The following ARPP21 variants were observed in gnomAD, a reference collection of about 807,000 sequenced individuals.
ARPP21 encodes cAMP-regulated phosphoprotein 21.
Under a neutral mutation model 113.2 loss-of-function variants are expected in ARPP21, and 69 were observed. The ratio of observed to expected loss-of-function variants is 0.61; its 90% CI spans 0.50 to 0.74. ARPP21 has a LOEUF of 0.74. ARPP21 is among the 30% of genes least tolerant of loss of function. ARPP21 has a pLI of 0.00. For synonymous variants in ARPP21, 368 were observed against 375.5 expected, an observed-to-expected ratio of 0.98 and a Z score of 0.23; for missense variants, 1,070 against 1,037.4, an observed-to-expected ratio of 1.03 and a Z score of -0.43.
intron 19 of ARPP21, among the ~76,000 whole-genome samples, chr3:35,745,229 A>C (rs1188354954): frequency 6.6e-6 from 1 of 152,220 alleles, no homozygotes; most frequent in Non-Finnish European, 1.5e-5. Flanking sequence ...TATTTTCTCT[A>C]ATTTGTGGAA....
At chr3:35,745,773 G>T (rs1434167969) in intron 19 of ARPP21, among the ~76,000 whole-genome samples, 2 of 152,106 alleles carry the variant, frequency 1.3e-5, no homozygotes, top group African/African-American at 4.8e-5. Flanking sequence ...CTTTAATAAA[G>T]CACAATGGGA....
chr3:35,708,209 G>A (rs2150019474), intron 10 of ARPP21, among the ~76,000 whole-genome samples: 1 of 152,238 alleles, frequency 6.6e-6, no homozygotes, highest in East Asian at 1.9e-4. Flanking sequence ...AATGTGGTTA[G>A]TGCAGAGCAG....
chr3:35,683,717 C>T lies in ARPP21; in HGVS notation c.172-9C>T. The T allele has an allele frequency of 3.9e-6, 4 of 1,013,086 alleles. No homozygotes were observed. Among genetic ancestry groups the T allele is most frequent in the Non-Finnish European group, 4.7e-6 (3 of 636,168 alleles). 62.8% of individuals were successfully genotyped at this position (1,013,086 alleles called of 1,614,324 possible). On this transcript the variant is annotated splice_polypyrimidine_tract_variant and intron_variant, in intron 4 of 20. Coordinates refer to ENST00000684406, the MANE Select transcript of ARPP21 (RefSeq NM_001385562.1). ...TTCCTTTCCTTCCCTTTTCTTTCCCCCCTCCTAGTCAGGAGCAGGAAAAGG... is the reference window on the plus strand; with the variant it reads ...TTCCTTTCCTTCCCTTTTCTTTCCCTCCTCCTAGTCAGGAGCAGGAAAAGG...
At chr3:35,668,104 GT>G (rs1201729134) in intron 1 of ARPP21, among the ~76,000 whole-genome samples, 1 of 152,004 alleles carries the variant, frequency 6.6e-6, no homozygotes, top group Non-Finnish European at 1.5e-5. Context: ...AATTCACAAT[GT>G]CCCTCCCTCA....
At chr3:35,736,497 T>C (rs2094359628) in intron 15 of ARPP21, among the ~76,000 whole-genome samples, 2 of 152,200 alleles carry the variant, frequency 1.3e-5, no homozygotes, top group Admixed American at 6.5e-5. Flanking sequence ...CTATGACGAA[T>C]AGCAGTATTA....
chr3:35,762,575 A>C (rs996650472), intron 19 of ARPP21, among the ~76,000 whole-genome samples: 2 of 152,058 alleles, frequency 1.3e-5, no homozygotes, highest in Non-Finnish European at 2.9e-5. Flanking sequence ...GGAAAGGAAA[A>C]CATTCGTGAC....
chr3:35,648,188 A>C (rs1348724571), intron 1 of ARPP21, among the ~76,000 whole-genome samples: 2 of 152,194 alleles, frequency 1.3e-5, no homozygotes, highest in Non-Finnish European at 2.9e-5. Context: ...CATAAGGAAC[A>C]TGATGCTTAA....
At chr3:35,728,876 C>T (rs2150460439) in intron 14 of ARPP21, among the ~76,000 whole-genome samples, 1 of 152,248 alleles carries the variant, frequency 6.6e-6, no homozygotes, top group East Asian at 1.9e-4. Context: ...TCATAGGGCT[C>T]TTCCTTAAGC....
chr3:35,710,373 A>C (rs2090666920), intron 11 of ARPP21, among the ~76,000 whole-genome samples: 1 of 152,194 alleles, frequency 6.6e-6, no homozygotes, highest in Non-Finnish European at 1.5e-5. Flanking sequence ...GGATACAAGA[A>C]TGAAGTGATG....
intron 19 of ARPP21, among the ~76,000 whole-genome samples, chr3:35,780,418 A>C (rs1268602111): frequency 1.3e-5 from 2 of 152,158 alleles, no homozygotes; most frequent in African/African-American, 4.8e-5. Context: ...CCAGAGGCTG[A>C]ACCACTGGTG....
intron 15 of ARPP21, among the ~76,000 whole-genome samples, chr3:35,736,889 C>G (rs971983585): frequency 6.6e-6 from 1 of 152,174 alleles, no homozygotes; most frequent in African/African-American, 2.4e-5. Flanking sequence ...CCACAGGTCT[C>G]TCTACTGGGT....
chr3:35,664,500 T>C (rs1439417529), intron 1 of ARPP21, among the ~76,000 whole-genome samples: 1 of 152,174 alleles, frequency 6.6e-6, no homozygotes, highest in Non-Finnish European at 1.5e-5. Context: ...TCTGATACCC[T>C]GCAACTTCAA....
intron 9 of ARPP21, among the ~76,000 whole-genome samples, chr3:35,695,821 T>C (rs1380663183): frequency 3.3e-5 from 5 of 151,610 alleles, no homozygotes; most frequent in Non-Finnish European, 5.9e-5. Context: ...ATGGTTGTGT[T>C]AGGTTTTCAG....
At chr3:35,703,289 T>C (rs2087233723) in intron 9 of ARPP21, among the ~76,000 whole-genome samples, 3 of 151,996 alleles carry the variant, frequency 2.0e-5, no homozygotes, top group African/African-American at 4.8e-5. Flanking sequence ...GGGAAAAAAC[T>C]AAAACTGGGA....
intron 19 of ARPP21, among the ~76,000 whole-genome samples, chr3:35,774,120 T>C (rs2096283789): frequency 6.6e-6 from 1 of 152,116 alleles, no homozygotes; most frequent in Non-Finnish European, 1.5e-5. Flanking sequence ...TGATAACAGT[T>C]TAAAAATGAC....
chr3:35,792,705 A>G (rs1401211575), intron 20 of ARPP21, among the ~76,000 whole-genome samples, 175 bp downstream of exon 20: 1 of 152,216 alleles, frequency 6.6e-6, no homozygotes, highest in African/African-American at 2.4e-5. Context: ...TGCAAAATAC[A>G]TGCTTCTGTC....
chr3:35,785,120 C>T (rs1257698142), intron 19 of ARPP21: 1 of 152,108 alleles, frequency 6.6e-6, no homozygotes, highest in Non-Finnish European at 1.5e-5. Context: ...TGACTTTGCC[C>T]CAAGCTTGGT....
At chr3:35,768,021 G>C in intron 19 of ARPP21, among the ~76,000 whole-genome samples, 1 of 151,096 alleles carries the variant, frequency 6.6e-6, no homozygotes, top group African/African-American at 2.4e-5. Flanking sequence ...TCTGAGGCCT[G>C]ACCCAATAAA....
chr3:35,733,868 G>A (rs1427977000), intron 15 of ARPP21, among the ~76,000 whole-genome samples: 1 of 152,086 alleles, frequency 6.6e-6, no homozygotes, highest in African/African-American at 2.4e-5. Flanking sequence ...CAATTATTTA[G>A]AAACATCTCC....
Sources: gnomAD v4.1 joint callset for allele counts (sites outside exome capture counted in the v4.1 genomes callset) on GRCh38, gnomAD v4.1.1 for gene constraint, MANE v1.5 for transcripts, NCBI Gene and HGNC (gene_info 2026-07-23, HGNC 2026-07-21) for gene names.